RUSC2: variants seen among roughly 807,000 people sequenced by gnomAD.
RUSC2 encodes RUN and SH3 domain containing 2.
A neutral mutation model predicts 122.2 loss-of-function variants in RUSC2; 34 were observed. The observed-to-expected ratio is 0.28, with a 90% CI of 0.21 to 0.37. RUSC2 has a LOEUF of 0.37. RUSC2 is among the 10% of genes least tolerant of loss of function. The probability of loss-of-function intolerance (pLI) is 1.00; values close to 1 mark genes in which losing one functional copy is unlikely to be tolerated. For missense variants in RUSC2, 1,747 were observed against 1,952.4 expected (o/e 0.89, Z 1.98); for synonymous variants, 784 against 790.0 (o/e 0.99, Z 0.13).
chr9:35,548,146 C>T lies in RUSC2; in HGVS notation c.1625C>T (p.Thr542Ile), dbSNP rs1821806558. ...AGPGSPPRRV[T>I]SFAELAKGRK... is the part of the protein sequence containing the mutation. The stretch of plus-strand genomic sequence containing the variant: ...CCTGGCTCCCCACCCAGGAGGGTCA[C>T]CTCCTTTGCCGAGCTGGCCAAGGGC... The change falls in exon 2 of 12, where the codon ACC (threonine) becomes ATC (isoleucine). Residue 542 changes from threonine (T) to isoleucine (I), a missense_variant. Physicochemically the swap from Thr to Ile is moderately conservative, Grantham distance 89 (BLOSUM62 -1). Transcript: ENST00000361226. The surrounding 1 kb of genome is among the most constrained non-coding windows in gnomAD (Gnocchi z 4.5). 2.5e-6 allele frequency: 4 copies of T among 1,613,314 alleles called. No individual in the cohort carries two copies. Among genetic ancestry groups the T allele is most frequent in the African/African-American group, 1.3e-5 (1 of 75,076 alleles).
rs760247075 is a variant in RUSC2 at position 35,546,560 on chromosome 9, C to T, written c.39C>T (p.Ile13=). The T allele has an allele frequency of 1.7e-5, 25 of 1,487,166 alleles. No homozygotes were observed. The highest frequency in any genetic ancestry group is 7.1e-5 in the African/African-American group (5 of 70,742). The allele number at this position is 1,487,166 out of a possible 1,614,324, so 92.1% of individuals were successfully genotyped here. A position where few individuals can be genotyped will look rare whatever the true frequency, so the allele number is the denominator to read the frequency against. Reference sequence around the variant, plus strand: ...CAAAGCTGACTGGAGAGACCCTCATCGTTCATCACATCCCCCTGGTGCACT... The same window carrying T: ...CAAAGCTGACTGGAGAGACCCTCATTGTTCATCACATCCCCCTGGTGCACT... The part of the protein sequence containing the change: ...SPPKLTGETL[I]VHHIPLVHCQ... Residue 13 remains isoleucine, a synonymous_variant, in exon 2 of 12, where the codon ATC becomes ATT. Coordinates refer to ENST00000361226, the MANE Select transcript of RUSC2 (RefSeq NM_014806.5). This position sits in a 1 kb window ranked among gnomAD's most constrained non-coding sequence, Gnocchi z 4.3.
intron 1 of RUSC2, among the ~76,000 whole-genome samples, chr9:35,513,393 C>G (rs2132507945): frequency 6.6e-6 from 1 of 152,038 alleles, no homozygotes; most frequent in South Asian, 2.1e-4. Flanking sequence ...CAGACACGTG[C>G]CACCATGCCA....
chr9:35,509,035 T>G (rs1265235603), intron 1 of RUSC2, among the ~76,000 whole-genome samples: 1 of 151,868 alleles, frequency 6.6e-6, no homozygotes, highest in African/African-American at 2.4e-5. Flanking sequence ...AAAAAAAAAG[T>G]TAGAAAAATA....
chr9:35,558,160 T>TA lies in RUSC2; in HGVS notation c.3061-37_3061-36insA. ...GCTACGAGAGGACCACAGTCAGGCC[T>TA]GAGGGGGTTTCCTGCACTTCCCTAC... On this transcript the variant is annotated intron_variant, in intron 6 of 11. Transcript: ENST00000361226. The surrounding 1 kb of genome is among the most constrained non-coding windows in gnomAD (Gnocchi z 4.3). 2 of 1,605,504 alleles carry TA rather than the reference T, an allele frequency of 1.2e-6. No individual in the cohort carries two copies. The highest frequency in any genetic ancestry group is 1.7e-6 in the Non-Finnish European group (2 of 1,176,548).
intron 1 of RUSC2, among the ~76,000 whole-genome samples, chr9:35,531,766 C>T (rs1821422185): frequency 6.6e-6 from 1 of 152,204 alleles, no homozygotes; most frequent in African/African-American, 2.4e-5. Flanking sequence ...TGGTTCACGC[C>T]TGTAATCCCA....
chr9:35,498,421 C>A (rs1383560918), intron 1 of RUSC2, among the ~76,000 whole-genome samples: 1 of 152,054 alleles, frequency 6.6e-6, no homozygotes, highest in Non-Finnish European at 1.5e-5. Flanking sequence ...TGCCTGTAAT[C>A]CCAGCTACTT....
chr9:35,545,706 T>TC (rs970867403), intron 1 of RUSC2, among the ~76,000 whole-genome samples: 2 of 151,822 alleles, frequency 1.3e-5, no homozygotes, highest in African/African-American at 4.8e-5. Flanking sequence ...TAAAACTAGG[T>TC]CCCCCCACCC....
intron 1 of RUSC2, among the ~76,000 whole-genome samples, chr9:35,497,175 G>A (rs1475899601): frequency 6.6e-6 from 1 of 152,102 alleles, no homozygotes; most frequent in East Asian, 1.9e-4. Context: ...GATGCATCTG[G>A]CCAAGTTGTC....
intron 1 of RUSC2, among the ~76,000 whole-genome samples, chr9:35,514,423 T>G (rs1241036516): frequency 6.6e-6 from 1 of 152,128 alleles, no homozygotes; most frequent in Non-Finnish European, 1.5e-5. Context: ...CATATACCTT[T>G]AGGGAATTTG....
chr9:35,522,479 C>G (rs781487992), intron 1 of RUSC2, among the ~76,000 whole-genome samples: 15 of 152,188 alleles, frequency 9.9e-5, no homozygotes, highest in Non-Finnish European at 2.1e-4. Flanking sequence ...AAGCATTGCT[C>G]TAACCCTTAC....
rs34352949 is a variant in RUSC2 at position 35,557,051 on chromosome 9, AG to A, written c.2983+608del. Among the ~76,000 whole-genome samples, 102,876 of 151,944 alleles carry A rather than the reference AG, an allele frequency of 0.68. 35,257 individuals carry two copies. Among genetic ancestry groups the A allele is most frequent in the Admixed American group, 0.74 (11,299 of 15,268 alleles). On this transcript the variant is annotated intron_variant, in intron 5 of 11. Coordinates refer to ENST00000361226, the MANE Select transcript of RUSC2 (RefSeq NM_014806.5). The surrounding 1 kb of genome is among the most constrained non-coding windows in gnomAD (Gnocchi z 4.6). ...TCAAAAAATGCCTCAGTGCTCTTGGAGGGGGCGGGTGAAGGTACTAGAGGGC... is the reference window on the plus strand; with the variant it reads ...TCAAAAAATGCCTCAGTGCTCTTGGAGGGGCGGGTGAAGGTACTAGAGGGC...
intron 1 of RUSC2, among the ~76,000 whole-genome samples, chr9:35,497,033 G>C (rs1471058625): frequency 6.6e-6 from 1 of 152,204 alleles, no homozygotes; most frequent in African/African-American, 2.4e-5. Context: ...TGACTACACA[G>C]TCAAGCATCT....
chr9:35,510,404 T>C (rs1314615545), intron 1 of RUSC2, among the ~76,000 whole-genome samples: 2 of 152,242 alleles, frequency 1.3e-5, no homozygotes, highest in East Asian at 1.9e-4. Flanking sequence ...CAGTGTAAAC[T>C]GGACCCTGAT....
At chr9:35,553,590 G>C (rs1821945481) in intron 2 of RUSC2, among the ~76,000 whole-genome samples, 1 of 152,240 alleles carries the variant, frequency 6.6e-6, no homozygotes, top group Non-Finnish European at 1.5e-5. Context: ...TCTTATTGAG[G>C]GGGTGATATT....
intron 2 of RUSC2, among the ~76,000 whole-genome samples, chr9:35,553,781 G>GA (rs1416083918): frequency 6.6e-6 from 1 of 152,194 alleles, no homozygotes; most frequent in Non-Finnish European, 1.5e-5. Flanking sequence ...GGTGGAGCTT[G>GA]AAAGTGTCCC....
At chr9:35,541,691 T>G (rs949011548) in intron 1 of RUSC2, among the ~76,000 whole-genome samples, 9 of 152,120 alleles carry the variant, frequency 5.9e-5, no homozygotes, top group Middle Eastern at 3.4e-3. Context: ...ATGATCCACC[T>G]GCCTCAGCCT....
At chr9:35,556,686 G>C (rs1288132064) in intron 5 of RUSC2, among the ~76,000 whole-genome samples, 1 of 152,214 alleles carries the variant, frequency 6.6e-6, no homozygotes, top group African/African-American at 2.4e-5. Flanking sequence ...AATTAGCTGG[G>C]TGTTGTGGTG....
chr9:35,542,358 C>T (rs1364350669), intron 1 of RUSC2, among the ~76,000 whole-genome samples: 1 of 152,076 alleles, frequency 6.6e-6, no homozygotes, highest in Non-Finnish European at 1.5e-5. Context: ...GGTCTTAGGA[C>T]AGGTAAAGAT....
intron 1 of RUSC2, among the ~76,000 whole-genome samples, chr9:35,491,577 C>A (rs1439691669): frequency 6.6e-6 from 1 of 152,192 alleles, no homozygotes; most frequent in Non-Finnish European, 1.5e-5. Flanking sequence ...GGAGGCTGGA[C>A]ATGTTCTCAT....
Sources: gnomAD v4.1 joint callset for allele counts (sites outside exome capture counted in the v4.1 genomes callset) on GRCh38, gnomAD v4.1.1 for gene constraint, Gnocchi (gnomAD v3.1) non-coding constraint, MANE v1.5 for transcripts, NCBI Gene and HGNC (gene_info 2026-07-23, HGNC 2026-07-21) for gene names.